Variants in SDK1 observed in about 807,000 individuals in gnomAD.
SDK1 encodes protein sidekick-1.
In SDK1, 157 loss-of-function variants were observed where a neutral mutation model predicts 245.5. The ratio of observed to expected loss-of-function variants is 0.64; its 90% confidence interval spans 0.56 to 0.73. The LOEUF is 0.73. Ranked by LOEUF, SDK1 falls within the 30% of genes least tolerant of loss-of-function variation. SDK1 has a pLI of 0.00. For synonymous variants in SDK1, 1,647 were observed against 1,278.5 expected (o/e 1.29, Z -6.15); for missense variants, 3,583 against 3,002.3 (o/e 1.19, Z -4.52).
At chr7:3,505,429 T>C (rs1446819163) in intron 1 of SDK1, among the ~76,000 whole-genome samples, 1 of 152,104 alleles carries the variant, frequency 6.6e-6, no homozygotes, top group Non-Finnish European at 1.5e-5. Context: ...TTGAAATCTT[T>C]TTGCAGGGAT....
rs141416672 is a variant in SDK1, at chr7:3,784,644, T to C, written c.714-36806T>C. On this transcript the variant is annotated intron_variant, in intron 4 of 44. Coordinates refer to ENST00000404826, the MANE Select transcript of SDK1 (RefSeq NM_152744.4). ...TCAGAAATCACTAAGGAAATGCAAA[T>C]TGAAATCACAATGAGAAACTACATC... 3.8e-3 allele frequency among the ~76,000 whole-genome samples: 582 copies of C among 152,164 alleles called. 4 individuals are homozygous for C. Among genetic ancestry groups the C allele is most frequent in the African/African-American group, 0.013 (533 of 41,510 alleles).
intron 1 of SDK1, among the ~76,000 whole-genome samples, chr7:3,371,684 G>C (rs985731765): frequency 2.0e-5 from 3 of 152,166 alleles, no homozygotes; most frequent in Non-Finnish European, 4.4e-5. Context: ...TCAGGATGCA[G>C]AGGAGAAAAA....
intron 1 of SDK1, among the ~76,000 whole-genome samples, chr7:3,582,658 A>G (rs1355535942): frequency 6.9e-6 from 1 of 144,868 alleles, no homozygotes; most frequent in Non-Finnish European, 1.5e-5. Flanking sequence ...AAACCTGCAC[A>G]TGTAGCCCTG....
chr7:3,388,652 G>C (rs953028844), intron 1 of SDK1, among the ~76,000 whole-genome samples: 5 of 152,132 alleles, frequency 3.3e-5, no homozygotes. Flanking sequence ...AAGCTGTTTC[G>C]TGCATTAGTG....
At position 3,481,234 on chromosome 7, in the gene SDK1, G is replaced by C. The variant is rs537514324; in HGVS notation, c.299-137846G>C. Among the ~76,000 whole-genome samples, 8 of 152,272 alleles carry C rather than the reference G, an allele frequency of 5.3e-5. 1 individual carries two copies. The highest frequency in any genetic ancestry group is 1.9e-4 in the African/African-American group (8 of 41,548). On this transcript the variant is annotated intron_variant, in intron 1 of 44. Coordinates refer to ENST00000404826, the MANE Select transcript of SDK1 (RefSeq NM_152744.4). Reference sequence around the variant, plus strand: ...GTAGGTATTTTTATTCCACTTTGCAGCTGAGAAAACTAAGACACAGAGGGT... The same window carrying C: ...GTAGGTATTTTTATTCCACTTTGCACCTGAGAAAACTAAGACACAGAGGGT...
At chr7:3,599,866 G>C (rs1781198690) in intron 1 of SDK1, among the ~76,000 whole-genome samples, 1 of 152,174 alleles carries the variant, frequency 6.6e-6, no homozygotes, top group Non-Finnish European at 1.5e-5. Context: ...TTGAAATCAG[G>C]AAGAGTGATT....
chr7:3,621,153 C>G (rs943952348), intron 2 of SDK1, among the ~76,000 whole-genome samples: 3 of 152,104 alleles, frequency 2.0e-5, no homozygotes, highest in Non-Finnish European at 2.9e-5. Context: ...CAGCATTATA[C>G]ATTATTACCA....
intron 35 of SDK1, among the ~76,000 whole-genome samples, chr7:4,188,793 T>TC (rs947247463): frequency 7.2e-5 from 11 of 152,172 alleles, no homozygotes; most frequent in South Asian, 4.1e-4. Context: ...AGAAGTTTTT[T>TC]CCCCCGAAAC....
intron 35 of SDK1, among the ~76,000 whole-genome samples, chr7:4,180,402 C>CCGGCTCCAGCTCTA (rs1562398803): frequency 0.013 from 1,956 of 147,102 alleles, 192 homozygotes; most frequent in African/African-American, 0.046. Flanking sequence ...TGCCCAGCGC[C>CCGGCTCCAGCTCTA]TGGCTCCAGC....
At chr7:3,668,989 G>A (rs1373498350) in intron 4 of SDK1, among the ~76,000 whole-genome samples, 2 of 152,096 alleles carry the variant, frequency 1.3e-5, no homozygotes, top group African/African-American at 4.8e-5. Context: ...ATGTTGCTGT[G>A]CCCCATTTGA....
At chr7:4,173,781 C>A (rs970225546) in intron 32 of SDK1, among the ~76,000 whole-genome samples, 2 of 152,100 alleles carry the variant, frequency 1.3e-5, no homozygotes, top group African/African-American at 4.8e-5. Flanking sequence ...GGGTACAGTA[C>A]GGCAGCCACA....
chr7:3,571,919 C>A (rs1167434761), intron 1 of SDK1, among the ~76,000 whole-genome samples: 1 of 152,080 alleles, frequency 6.6e-6, no homozygotes, highest in African/African-American at 2.4e-5. Flanking sequence ...CACTCATACT[C>A]TCTTTCCATC....
intron 1 of SDK1, among the ~76,000 whole-genome samples, chr7:3,513,372 T>A (rs1437650772): frequency 6.6e-6 from 1 of 152,202 alleles, no homozygotes; most frequent in Non-Finnish European, 1.5e-5. Flanking sequence ...TATTCTCAAG[T>A]TGATTTACAG....
rs115427510 is a variant in SDK1 at position 4,036,113 on chromosome 7, A to G, written c.2603-13235A>G. ...AAGACTTTTAATGATAACCTCTTCA[A>G]ATATTTGAAAGCCGCAATTGACAAG... On this transcript the variant is annotated intron_variant, in intron 17 of 44. Transcript: ENST00000404826. Among the ~76,000 whole-genome samples, 645 of 152,306 alleles carry G rather than the reference A, an allele frequency of 4.2e-3. 7 individuals carry two copies. The highest frequency in any genetic ancestry group is 0.015 in the African/African-American group (621 of 41,570).
intron 1 of SDK1, among the ~76,000 whole-genome samples, chr7:3,371,289 C>T (rs552920574): frequency 1.7e-3 from 252 of 152,112 alleles, no homozygotes; most frequent in African/African-American, 5.9e-3. Flanking sequence ...TGTGCAGGAA[C>T]ATTAGATCTA....
intron 1 of SDK1, among the ~76,000 whole-genome samples, chr7:3,422,481 A>C (rs976567869): frequency 4.3e-4 from 66 of 152,174 alleles, no homozygotes; most frequent in African/African-American, 1.6e-3. Flanking sequence ...TTTTCTTAAT[A>C]CTGGAAGTCC....
At chr7:3,403,331 A>G (rs947992042) in intron 1 of SDK1, among the ~76,000 whole-genome samples, 9 of 152,122 alleles carry the variant, frequency 5.9e-5, no homozygotes, top group African/African-American at 1.9e-4. Context: ...CATTTACATC[A>G]TTAAAGTGAT....
intron 5 of SDK1, among the ~76,000 whole-genome samples, chr7:3,825,757 A>G (rs1469654056): frequency 6.6e-6 from 1 of 152,170 alleles, no homozygotes; most frequent in Non-Finnish European, 1.5e-5. Context: ...GCCCTGTAAA[A>G]CATGGCTTTT....
intron 26 of SDK1, among the ~76,000 whole-genome samples, chr7:4,127,950 GTGCA>G (rs1562850537): frequency 6.6e-6 from 1 of 152,208 alleles, no homozygotes; most frequent in African/African-American, 2.4e-5. Flanking sequence ...GGATCGCTGT[GTGCA>G]TGTTTCTATG....
Sources: gnomAD v4.1 joint callset for allele counts (sites outside exome capture counted in the v4.1 genomes callset) on GRCh38, gnomAD v4.1.1 for gene constraint, MANE v1.5 for transcripts, NCBI Gene and HGNC (gene_info 2026-07-23, HGNC 2026-07-21) for gene names.